Variants in MYH10 observed in about 807,000 individuals in gnomAD.
MYH10 encodes myosin heavy chain 10.
In MYH10, 55 loss-of-function variants were observed where a neutral mutation model predicts 257.8. That is an observed-to-expected ratio of 0.21 (90% confidence interval 0.17 to 0.27). The LOEUF (loss-of-function observed/expected upper bound fraction) is 0.27, where lower values mean the gene tolerates loss of function less well. Ranked by LOEUF, MYH10 falls within the 10% of genes least tolerant of loss-of-function variation. MYH10 has a pLI of 1.00. For missense variants in MYH10, 1,631 were observed against 2,500.6 expected, an observed-to-expected ratio of 0.65 and a Z score of 7.42; for synonymous variants, 854 against 921.7, an observed-to-expected ratio of 0.93 and a Z score of 1.33.
intron 36 of MYH10, among the ~76,000 whole-genome samples, chr17:8,484,651 T>A (rs150281122): frequency 7.0e-4 from 106 of 152,336 alleles, no homozygotes; most frequent in Non-Finnish European, 1.2e-3. Flanking sequence ...AAGCAGGATC[T>A]ATCTGAGGAA....
At chr17:8,503,232 G>A (rs370144708) in intron 28 of MYH10, among the ~76,000 whole-genome samples, 2 of 152,264 alleles carry the variant, frequency 1.3e-5, no homozygotes, top group East Asian at 1.9e-4. Context: ...GCAGTGAGCC[G>A]AGATCGCACC....
intron 17 of MYH10, among the ~76,000 whole-genome samples, chr17:8,527,670 C>G (rs2081892420): frequency 6.6e-6 from 1 of 152,204 alleles, no homozygotes; most frequent in African/African-American, 2.4e-5. Context: ...GGCAACTCTA[C>G]AACACCACAC....
intron 9 of MYH10, among the ~76,000 whole-genome samples, chr17:8,550,351 G>C (rs2082591889): frequency 6.6e-6 from 1 of 152,068 alleles, no homozygotes; most frequent in African/African-American, 2.4e-5. Context: ...CCCCGTCTGG[G>C]ATGTGAGGAG....
chr17:8,476,083 G>A (rs1339109447), intron 42 of MYH10, 135 bp from the exon 43 acceptor site: 27 of 1,010,850 alleles, frequency 2.7e-5, no homozygotes, highest in African/African-American at 1.8e-4. Context: ...TGGGGGTGGC[G>A]GTACGATGGG....
chr17:8,503,511 A>G (rs1211910002), intron 28 of MYH10, among the ~76,000 whole-genome samples: 5 of 151,796 alleles, frequency 3.3e-5, no homozygotes, highest in Non-Finnish European at 5.9e-5. Context: ...CCCCACACCC[A>G]CCATCTGACC....
chr17:8,553,893 T>C, intron 8 of MYH10, 62 bp downstream of exon 8: 1 of 1,367,836 alleles, frequency 7.3e-7, no homozygotes, highest in South Asian at 1.2e-5. Context: ...ACGGTTGCCA[T>C]GGGGTTGTAG....
intron 2 of MYH10, among the ~76,000 whole-genome samples, chr17:8,608,097 G>C (rs1248868236): frequency 6.6e-6 from 1 of 152,172 alleles, no homozygotes; most frequent in Admixed American, 6.5e-5. Flanking sequence ...AAAATAGTTT[G>C]TACCATGGAA....
chr17:8,476,075 G>T, intron 42 of MYH10, 127 bp from the exon 43 acceptor site: 1 of 1,113,918 alleles, frequency 9.0e-7, no homozygotes, highest in Non-Finnish European at 1.3e-6. Flanking sequence ...CGACCTTGTG[G>T]GGGTGGCGGT....
rs2151964370 is a variant in MYH10 at position 8,551,968 on chromosome 17, C to CAA, written c.919+76_919+77dup. On this transcript the variant is annotated intron_variant, in intron 9 of 42. Transcript: ENST00000360416. Reference sequence around the variant, plus strand: ...GTTTTGTGTGTAAAAAACTGTTTCCCAAAATTGTTTTTTCTCAAAAAAAAA... The same window carrying CAA: ...GTTTTGTGTGTAAAAAACTGTTTCCCAAAAAATTGTTTTTTCTCAAAAAAAAA... 5.2e-6 allele frequency: 4 copies of CAA among 776,508 alleles called. No homozygotes were observed. In the Middle Eastern group the frequency reaches 1.0e-3, roughly 195 times the overall value. 48.1% of individuals were successfully genotyped at this position (776,508 alleles called of 1,614,324 possible).
intron 1 of MYH10, among the ~76,000 whole-genome samples, chr17:8,624,720 T>C (rs2085605175): frequency 6.6e-6 from 1 of 152,264 alleles, no homozygotes; most frequent in African/African-American, 2.4e-5. Context: ...TAAAGGGCTC[T>C]ATCTGTATCC....
intron 17 of MYH10, among the ~76,000 whole-genome samples, chr17:8,526,235 A>G (rs2081842371): frequency 6.6e-6 from 1 of 152,244 alleles, no homozygotes; most frequent in Admixed American, 6.5e-5. Flanking sequence ...CAAGACCCGA[A>G]AAAACTCTAT....
At position 8,545,867 on chromosome 17, in the gene MYH10, G is replaced by T. The variant is rs928208101; in HGVS notation, c.1279-267C>A. Among the ~76,000 whole-genome samples, 1 of 152,016 alleles carries T rather than the reference G, an allele frequency of 6.6e-6. No homozygotes were observed. Among genetic ancestry groups the T allele is most frequent in the African/African-American group, 2.4e-5 (1 of 41,382 alleles). On this transcript the variant is annotated intron_variant, in intron 12 of 42. Coordinates refer to ENST00000360416, the MANE Select transcript of MYH10 (RefSeq NM_001256012.3). This position sits in a 1 kb window ranked among gnomAD's most constrained non-coding sequence, Gnocchi z 4.7. ...GCCTGGGTCCTGGGTAGCACTGTCC[G>T]CCTGGATTCAGCTCAGTTAAGCTGG...
At chr17:8,485,946 G>A (rs1914687894) in intron 36 of MYH10, among the ~76,000 whole-genome samples, 1 of 152,182 alleles carries the variant, frequency 6.6e-6, no homozygotes, top group African/African-American at 2.4e-5. Context: ...GGGGATAGAC[G>A]AGTAAAATGT....
chr17:8,571,157 C>A (rs1344928640), intron 6 of MYH10, among the ~76,000 whole-genome samples: 1 of 144,416 alleles, frequency 6.9e-6, no homozygotes, highest in African/African-American at 2.5e-5. Flanking sequence ...CCTTACCAGA[C>A]TATTTTTCCT....
intron 4 of MYH10, among the ~76,000 whole-genome samples, chr17:8,582,228 TAAAAGCAGCTTGAAC>T (rs2083730484): frequency 6.6e-6 from 1 of 152,090 alleles, no homozygotes; most frequent in Admixed American, 6.6e-5. Flanking sequence ...AGGAGGTAAC[TAAAAGCAGCTTGAAC>T]AAAAGCAGAG....
intron 7 of MYH10, among the ~76,000 whole-genome samples, chr17:8,559,481 CTTA>C (rs2082915897): frequency 6.6e-6 from 1 of 152,020 alleles, no homozygotes; most frequent in African/African-American, 2.4e-5. Flanking sequence ...TCCCATTATT[CTTA>C]TTATTTTATT....
At chr17:8,571,169 TAAAG>T (rs1363196374) in intron 6 of MYH10, among the ~76,000 whole-genome samples, 1 of 62,456 alleles carries the variant, frequency 1.6e-5, no homozygotes, top group Admixed American at 2.1e-4. Context: ...ATTTTTCCTG[TAAAG>T]TTTTTGTTTT....
chr17:8,568,139 T>C (rs985524839), intron 7 of MYH10, among the ~76,000 whole-genome samples: 1 of 152,130 alleles, frequency 6.6e-6, no homozygotes, highest in African/African-American at 2.4e-5. Flanking sequence ...AACCTGCTTT[T>C]CCTCCCACCA....
At chr17:8,606,056 A>G (rs567305312) in intron 2 of MYH10, among the ~76,000 whole-genome samples, 37 of 152,336 alleles carry the variant, frequency 2.4e-4, no homozygotes, top group African/African-American at 8.2e-4. Context: ...GAATTAATAA[A>G]GATTTAAAAT....
Sources: allele counts gnomAD v4.1 joint callset (sites outside exome capture counted in the v4.1 genomes callset), GRCh38; gene constraint gnomAD v4.1.1; non-coding constraint Gnocchi (gnomAD v3.1); transcripts MANE v1.5; gene names NCBI Gene and HGNC (gene_info 2026-07-23, HGNC 2026-07-21).